FLVCR2: variants seen among roughly 807,000 people sequenced by gnomAD.
FLVCR2 encodes FLVCR choline and putative heme transporter 2.
Under a neutral mutation model 48.9 loss-of-function variants are expected in FLVCR2, and 38 were observed. The observed-to-expected ratio is 0.78, with a 90% CI of 0.60 to 1.02. The LOEUF (loss-of-function observed/expected upper bound fraction) is 1.02, where lower values mean the gene tolerates loss of function less well. Ranked by LOEUF, FLVCR2 falls within the 50% of genes least tolerant of loss-of-function variation. The pLI, the probability that FLVCR2 is intolerant of heterozygous loss-of-function variation, is 0.00. For missense variants in FLVCR2, 664 were observed against 663.3 expected, an observed-to-expected ratio of 1.00 and a Z score of -0.01; for synonymous variants, 255 against 257.0, an observed-to-expected ratio of 0.99 and a Z score of 0.07.
chr14:75,590,531 G>A (rs1208926194), intron 1 of FLVCR2, among the ~76,000 whole-genome samples: 1 of 152,214 alleles, frequency 6.6e-6, no homozygotes, highest in Non-Finnish European at 1.5e-5. Context: ...ATGTTGAATT[G>A]CAGTCCCCAG....
chr14:75,591,970 A>G (rs1888894835), intron 1 of FLVCR2, among the ~76,000 whole-genome samples: 1 of 150,958 alleles, frequency 6.6e-6, no homozygotes, highest in Non-Finnish European at 1.5e-5. Context: ...GCACCACTGC[A>G]CCTGGTTAAT....
chr14:75,587,289 T>C (rs1888773127), intron 1 of FLVCR2, among the ~76,000 whole-genome samples: 1 of 152,004 alleles, frequency 6.6e-6, no homozygotes, highest in Non-Finnish European at 1.5e-5. Context: ...CCACTCTCAG[T>C]AGGCCAGTAT....
chr14:75,646,361 G>C, intron 9 of FLVCR2, 40 bp from the exon 10 acceptor site: 1 of 1,468,950 alleles, frequency 6.8e-7, no homozygotes, highest in Non-Finnish European at 9.5e-7. Flanking sequence ...GGAGTGCTGT[G>C]CCTTTACCCA....
At position 75,648,038 on chromosome 14, in the gene FLVCR2, G is replaced by GT. The variant is rs1366337936; in HGVS notation, c.*1569dup. 6.5e-6 allele frequency: 1 copy of GT among 152,734 alleles called. No individual in the cohort carries two copies. Among genetic ancestry groups the GT allele is most frequent in the Non-Finnish European group, 1.5e-5 (1 of 68,026 alleles). The allele number at this position is 152,734 out of a possible 1,614,324, so 9.5% of individuals were successfully genotyped here. ...TTTACTTTTTGATAAAGAGAAAGAT[G>GT]TTTACTCATAAACCCTTCAAAAGGT... is the stretch of plus-strand genomic sequence containing the variant. On this transcript the variant is annotated 3_prime_UTR_variant, in exon 10 of 10. Coordinates refer to ENST00000238667, the MANE Select transcript of FLVCR2 (RefSeq NM_017791.3).
intron 1 of FLVCR2, among the ~76,000 whole-genome samples, chr14:75,609,991 T>C (rs1038818609): frequency 2.0e-5 from 3 of 152,190 alleles, no homozygotes; most frequent in Non-Finnish European, 4.4e-5. Flanking sequence ...ACAGAATTGG[T>C]GGGCAATCAG....
At chr14:75,598,509 G>C (rs1353247518) in intron 1 of FLVCR2, among the ~76,000 whole-genome samples, 1 of 152,038 alleles carries the variant, frequency 6.6e-6, no homozygotes, top group Non-Finnish European at 1.5e-5. Flanking sequence ...ACAGAGTCTT[G>C]CTCTGTTGCT....
chr14:75,641,716 C>A, intron 8 of FLVCR2, 127 bp from the exon 9 acceptor site: 1 of 871,138 alleles, frequency 1.1e-6, no homozygotes, highest in Non-Finnish European at 1.9e-6. Context: ...CCTCAGTCAC[C>A]AGCTCTCTTG....
chr14:75,586,751 G>A (rs1594789905), intron 1 of FLVCR2, among the ~76,000 whole-genome samples: 1 of 151,712 alleles, frequency 6.6e-6, no homozygotes, highest in Admixed American at 6.6e-5. Context: ...CATACTCCAC[G>A]GGAGCATTAC....
chr14:75,624,173 G>C (rs1594808339), intron 2 of FLVCR2, among the ~76,000 whole-genome samples: 1 of 151,866 alleles, frequency 6.6e-6, no homozygotes, highest in South Asian at 2.1e-4. Flanking sequence ...ACCAGCCTGG[G>C]CAACATGGCA....
intron 1 of FLVCR2, among the ~76,000 whole-genome samples, chr14:75,610,522 C>T (rs530611927): frequency 3.3e-5 from 5 of 152,084 alleles, no homozygotes; most frequent in African/African-American, 1.2e-4. Context: ...AGCAACTTCT[C>T]TGTTTACAGC....
chr14:75,629,599 G>A (rs777891847), intron 3 of FLVCR2, among the ~76,000 whole-genome samples: 7 of 151,986 alleles, frequency 4.6e-5, no homozygotes, highest in Non-Finnish European at 8.8e-5. Context: ...AGGGTAGGGT[G>A]GGATGGAGAA....
Position 75,646,396 on chromosome 14 carries a change from T to A in FLVCR2, c.1510-5T>A. On this transcript the variant is annotated splice_region_variant and splice_polypyrimidine_tract_variant and intron_variant, in intron 9 of 9. Coordinates refer to ENST00000238667, the MANE Select transcript of FLVCR2 (RefSeq NM_017791.3). ...ACAGCACTGCCTGTTTGTTTTGCTTTATAGAAACTCCAAGAGGAGGAGGAG... is the reference window on the plus strand; with the variant it reads ...ACAGCACTGCCTGTTTGTTTTGCTTAATAGAAACTCCAAGAGGAGGAGGAG... The A allele has an allele frequency of 1.2e-6, 2 of 1,612,358 alleles. No individual in the cohort carries two copies. Among genetic ancestry groups the A allele is most frequent in the Non-Finnish European group, 1.7e-6 (2 of 1,178,540 alleles).
chr14:75,597,936 G>C (rs898263802), intron 1 of FLVCR2, among the ~76,000 whole-genome samples: 1 of 152,094 alleles, frequency 6.6e-6, no homozygotes, highest in Non-Finnish European at 1.5e-5. Context: ...GAAACCACGA[G>C]GAGGAAAGAG....
chr14:75,629,360 G>C (rs77444060), intron 3 of FLVCR2, among the ~76,000 whole-genome samples: 5,332 of 152,230 alleles, frequency 0.035, 246 homozygotes, highest in East Asian at 0.13. Context: ...GAGAGGTGCA[G>C]GGGTGGAGCT....
chr14:75,641,312 G>C lies in FLVCR2; in HGVS notation c.1453+19G>C. On this transcript the variant is annotated intron_variant, in intron 8 of 9. Coordinates refer to ENST00000238667, the MANE Select transcript of FLVCR2 (RefSeq NM_017791.3). The stretch of plus-strand genomic sequence containing the variant: ...CTCACTGGTGAGTTGGAGCCTGAGG[G>C]CAAGATGAGGCTCAGGTTGGCCATT... 6.4e-7 allele frequency: 1 copy of C among 1,563,430 alleles called. No individual in the cohort carries two copies. Among genetic ancestry groups the C allele is most frequent in the Non-Finnish European group, 8.8e-7 (1 of 1,134,040 alleles).
intron 8 of FLVCR2, among the ~76,000 whole-genome samples, chr14:75,641,494 CTG>C (rs1466861382): frequency 6.6e-6 from 1 of 152,206 alleles, no homozygotes; most frequent in Non-Finnish European, 1.5e-5. Context: ...GAATCCCAGA[CTG>C]TGACAATGAC....
chr14:75,592,752 G>A (rs962266557), intron 1 of FLVCR2, among the ~76,000 whole-genome samples: 6 of 152,104 alleles, frequency 3.9e-5, no homozygotes, highest in African/African-American at 1.2e-4. Context: ...ACTTTGGGAG[G>A]CCGAGGTGGG....
intron 1 of FLVCR2, among the ~76,000 whole-genome samples, chr14:75,580,942 AT>A (rs754357220): frequency 1.7e-4 from 26 of 152,160 alleles, no homozygotes; most frequent in Non-Finnish European, 3.2e-4. Flanking sequence ...CTGTCTTCTT[AT>A]ATTAATAAGA....
intron 1 of FLVCR2, among the ~76,000 whole-genome samples, chr14:75,610,622 A>C (rs1434522379): frequency 6.6e-6 from 1 of 152,242 alleles, no homozygotes; most frequent in Non-Finnish European, 1.5e-5. Flanking sequence ...AGATCAAGGT[A>C]TATTACATTA....
Sources: gnomAD v4.1 joint callset for allele counts (sites outside exome capture counted in the v4.1 genomes callset) on GRCh38, gnomAD v4.1.1 for gene constraint, MANE v1.5 for transcripts, NCBI Gene and HGNC (gene_info 2026-07-23, HGNC 2026-07-21) for gene names.